The following PXDNL variants were observed in gnomAD, a reference collection of about 807,000 sequenced individuals.
The protein encoded by PXDNL is peroxidasin like.
A neutral mutation model predicts 150.8 loss-of-function variants in PXDNL; 145 were observed. The observed-to-expected ratio is 0.96, with a 90% CI of 0.84 to 1.10. The LOEUF (loss-of-function observed/expected upper bound fraction) is 1.10. Ranked by LOEUF, PXDNL falls within the 50% of genes least tolerant of loss-of-function variation. The pLI, the probability that PXDNL is intolerant of heterozygous loss-of-function variation, is 0.00. For synonymous variants in PXDNL, 757 were observed against 725.7 expected, an observed-to-expected ratio of 1.04 and a Z score of -0.69; for missense variants, 2,087 against 1,873.9, an observed-to-expected ratio of 1.11 and a Z score of -2.10.
At chr8:51,644,430 A>ATG (rs1304357685) in intron 2 of PXDNL, among the ~76,000 whole-genome samples, 5 of 131,866 alleles carry the variant, frequency 3.8e-5, no homozygotes, top group African/African-American at 1.3e-4. Flanking sequence ...ATATACACAT[A>ATG]TGTGTGTGTA....
intron 12 of PXDNL, among the ~76,000 whole-genome samples, chr8:51,429,512 T>C (rs907481764): frequency 2.0e-5 from 3 of 151,600 alleles, no homozygotes; most frequent in African/African-American, 7.3e-5. Flanking sequence ...ACTGGGGAGG[T>C]GGAGGTTGCG....
chr8:51,454,926 T>C (rs1453495526), intron 9 of PXDNL, among the ~76,000 whole-genome samples: 1 of 151,882 alleles, frequency 6.6e-6, no homozygotes, highest in East Asian at 1.9e-4. Context: ...GTAAATGTGA[T>C]AGGAGAACAT....
intron 1 of PXDNL, among the ~76,000 whole-genome samples, chr8:51,729,471 GGCC>G (rs1816877596): frequency 1.3e-5 from 2 of 152,122 alleles, no homozygotes; most frequent in African/African-American, 4.8e-5. Context: ...CATTTAGAAT[GGCC>G]AAAATCCAAA....
At chr8:51,564,251 A>G (rs1201200902) in intron 3 of PXDNL, among the ~76,000 whole-genome samples, 2 of 152,058 alleles carry the variant, frequency 1.3e-5, no homozygotes, top group East Asian at 3.9e-4. Flanking sequence ...TAACGGGATT[A>G]TGTCAAAAGG....
intron 17 of PXDNL, among the ~76,000 whole-genome samples, chr8:51,377,302 G>T (rs555533423): frequency 1.3e-5 from 2 of 151,442 alleles, no homozygotes; most frequent in African/African-American, 4.9e-5. Flanking sequence ...TCACTTTCTC[G>T]CCCATGCTGG....
At chr8:51,762,490 G>T (rs1028726976) in intron 1 of PXDNL, among the ~76,000 whole-genome samples, 1 of 152,134 alleles carries the variant, frequency 6.6e-6, no homozygotes, top group African/African-American at 2.4e-5. Context: ...AGCTTCCTCT[G>T]CACAATAAAA....
At chr8:51,542,182 A>C (rs1214213157) in intron 4 of PXDNL, among the ~76,000 whole-genome samples, 1 of 146,610 alleles carries the variant, frequency 6.8e-6, no homozygotes, top group Non-Finnish European at 1.5e-5. Context: ...AACATTTAAA[A>C]ACTGGTTTCA....
At chr8:51,572,587 TTTTG>T (rs1259731014) in intron 3 of PXDNL, among the ~76,000 whole-genome samples, 1 of 151,898 alleles carries the variant, frequency 6.6e-6, no homozygotes, top group Non-Finnish European at 1.5e-5. Flanking sequence ...TAAGTATAGT[TTTTG>T]TTTGGGATGA....
chr8:51,611,038 C>T (rs1585619908), intron 2 of PXDNL, among the ~76,000 whole-genome samples: 1 of 152,158 alleles, frequency 6.6e-6, no homozygotes, highest in African/African-American at 2.4e-5. Context: ...TATGCAGAGG[C>T]CCCGTCCACA....
intron 6 of PXDNL, among the ~76,000 whole-genome samples, chr8:51,479,306 T>C (rs1810549994): frequency 6.6e-6 from 1 of 152,122 alleles, no homozygotes; most frequent in South Asian, 2.1e-4. Flanking sequence ...GAATTATAAT[T>C]GCAAATATAC....
chr8:51,717,352 GA>G (rs1416681151), intron 1 of PXDNL, among the ~76,000 whole-genome samples: 2 of 152,152 alleles, frequency 1.3e-5, no homozygotes, highest in African/African-American at 2.4e-5. Flanking sequence ...TGGAAAGGGG[GA>G]AAAACCATTC....
chr8:51,700,725 CAT>C (rs1400558000), intron 1 of PXDNL, among the ~76,000 whole-genome samples: 1 of 151,346 alleles, frequency 6.6e-6, no homozygotes, highest in East Asian at 1.9e-4. Flanking sequence ...CATATATACA[CAT>C]AAATACACAT....
chr8:51,322,262 T>C (rs1356627555), intron 21 of PXDNL, among the ~76,000 whole-genome samples: 1 of 152,072 alleles, frequency 6.6e-6, no homozygotes, highest in Non-Finnish European at 1.5e-5. Flanking sequence ...AAAAAAGCAT[T>C]TGAGCTGTGA....
At chr8:51,735,556 T>C (rs1197868036) in intron 1 of PXDNL, among the ~76,000 whole-genome samples, 1 of 134,146 alleles carries the variant, frequency 7.5e-6, no homozygotes, top group African/African-American at 2.8e-5. Flanking sequence ...TTTTTTTTTT[T>C]TTTTTTTTGA....
At chr8:51,744,874 G>C (rs1375546552) in intron 1 of PXDNL, among the ~76,000 whole-genome samples, 1 of 146,814 alleles carries the variant, frequency 6.8e-6, no homozygotes, top group East Asian at 2.0e-4. Context: ...AAAGAAAAGG[G>C]AAAGAGAAAG....
chr8:51,420,220 G>T (rs1808910633), intron 14 of PXDNL, among the ~76,000 whole-genome samples: 1 of 152,068 alleles, frequency 6.6e-6, no homozygotes, highest in Non-Finnish European at 1.5e-5. Context: ...TAACTAAGTG[G>T]GGGCATCAAG....
chr8:51,377,476 G>C (rs1328844205), intron 17 of PXDNL, among the ~76,000 whole-genome samples: 1 of 152,192 alleles, frequency 6.6e-6, no homozygotes, highest in Non-Finnish European at 1.5e-5. Context: ...TGAGCTAAAC[G>C]AGGCCGGAGC....
At chr8:51,752,521 T>C (rs373709077) in intron 1 of PXDNL, among the ~76,000 whole-genome samples, 1 of 152,174 alleles carries the variant, frequency 6.6e-6, no homozygotes, top group Non-Finnish European at 1.5e-5. Flanking sequence ...TGGAGGCCTA[T>C]GTTAGTGAGA....
intron 1 of PXDNL, among the ~76,000 whole-genome samples, chr8:51,746,748 C>T (rs1191498265): frequency 2.0e-5 from 3 of 152,148 alleles, no homozygotes; most frequent in African/African-American, 7.2e-5. Context: ...TTGAGGCAAA[C>T]TCTCACTCTG....
Sources: gnomAD v4.1 joint callset for allele counts (sites outside exome capture counted in the v4.1 genomes callset) on GRCh38, gnomAD v4.1.1 for gene constraint, MANE v1.5 for transcripts, NCBI Gene and HGNC (gene_info 2026-07-23, HGNC 2026-07-21) for gene names.